The following PLA2R1 variants were observed in gnomAD, a reference collection of about 807,000 sequenced individuals.
PLA2R1 encodes the protein secretory phospholipase A2 receptor.
A neutral mutation model predicts 195.9 loss-of-function variants in PLA2R1; 158 were observed. The observed-to-expected ratio is 0.81, with a 90% CI of 0.71 to 0.92. PLA2R1 has a LOEUF of 0.92. Among genes scored for constraint, PLA2R1 ranks in the 40% least tolerant of loss-of-function variants. PLA2R1 has a pLI of 0.00. For missense variants in PLA2R1, 1,626 were observed against 1,764.6 expected (o/e 0.92, Z 1.41); for synonymous variants, 586 against 598.2 (o/e 0.98, Z 0.30).
Position 159,945,059 on chromosome 2 carries a change from C to T in PLA2R1, c.3991G>A (p.Gly1331Arg), listed in dbSNP as rs1687296765. ...GNNETIKWFDGTPTDQSNWGI... is the reference protein window; with the variant it reads ...GNNETIKWFDRTPTDQSNWGI... ...CAGTTTGACTGGTCTGTGGGAGTTC[C>T]ATCAAACCACTTTATGGTTTCATCT... Residue 1331 changes from glycine to arginine, a missense_variant, in exon 28 of 30, where the codon GGA becomes AGA. By Grantham distance (125) the Gly-to-Arg change is moderately radical. Coordinates refer to ENST00000283243, the MANE Select transcript of PLA2R1 (RefSeq NM_007366.5). The T allele has an allele frequency of 6.2e-7, 1 of 1,612,024 alleles. No individual in the cohort carries two copies. Among genetic ancestry groups the T allele is most frequent in the African/African-American group, 1.3e-5 (1 of 74,860 alleles).
intron 26 of PLA2R1, 129 bp from the exon 27 acceptor site, chr2:159,947,046 A>G (rs994770009): frequency 9.4e-6 from 6 of 638,962 alleles, no homozygotes; most frequent in Admixed American, 7.0e-5. Flanking sequence ...TAAAGAAGAG[A>G]CTTTAAATTA....
intron 11 of PLA2R1, among the ~76,000 whole-genome samples, chr2:160,000,137 G>T (rs990607504): frequency 2.6e-5 from 4 of 152,068 alleles, no homozygotes; most frequent in Admixed American, 2.0e-4. Flanking sequence ...TTAAGGGAAA[G>T]GAGATGAAGC....
chr2:160,057,128 A>G (rs1035969438), intron 1 of PLA2R1, among the ~76,000 whole-genome samples: 1 of 152,176 alleles, frequency 6.6e-6, no homozygotes, highest in Non-Finnish European at 1.5e-5. Flanking sequence ...CCCCTCTCCT[A>G]GGAAATTAAG....
rs1462238703 is a variant in PLA2R1 at position 160,028,218 on chromosome 2, C to T, written c.1099G>A (p.Glu367Lys). 6.4e-7 allele frequency: 1 copy of T among 1,574,754 alleles called. No individual in the cohort carries two copies. Among genetic ancestry groups the T allele is most frequent in the East Asian group, 2.3e-5 (1 of 43,858 alleles). ...YLNHIDHEIV[E>K]KDAWKYYATH... ...AACAACTTAAAATAAAAACGCTTAC[C>T]AACTATTTCATGATCAATGTGGTTT... Residue 367 changes from glutamate to lysine, a missense_variant and splice_region_variant, in exon 6 of 30, where the codon GAA (glutamate) becomes AAA (lysine). By Grantham distance (56) the Glu-to-Lys change is moderately conservative (BLOSUM62 1). Coordinates refer to ENST00000283243, the MANE Select transcript of PLA2R1 (RefSeq NM_007366.5).
intron 17 of PLA2R1, among the ~76,000 whole-genome samples, chr2:159,972,377 A>G (rs1279613396): frequency 1.3e-5 from 2 of 152,226 alleles, no homozygotes; most frequent in East Asian, 3.8e-4. Context: ...AAGTAAGCTC[A>G]GGGCTTAAAA....
At chr2:160,045,308 G>C (rs1274390380) in intron 1 of PLA2R1, 151 bp from the exon 2 acceptor site, 1 of 627,700 alleles carries the variant, frequency 1.6e-6, no homozygotes, top group Non-Finnish European at 2.8e-6. Flanking sequence ...CCACCTGAAG[G>C]GCTGTATTTG....
intron 8 of PLA2R1, among the ~76,000 whole-genome samples, chr2:160,019,696 C>T (rs2715936): frequency 0.72 from 109,389 of 152,070 alleles, 39,797 homozygotes; most frequent in East Asian, 0.87. Flanking sequence ...ACCTCCTCAC[C>T]ACTGGTCTCC....
At chr2:160,017,004 C>T (rs565819032) in intron 8 of PLA2R1, among the ~76,000 whole-genome samples, 3 of 151,964 alleles carry the variant, frequency 2.0e-5, no homozygotes, top group African/African-American at 7.2e-5. Context: ...TAATGCAGGG[C>T]GATTTTCATA....
intron 20 of PLA2R1, among the ~76,000 whole-genome samples, chr2:159,958,233 A>G (rs538824423): frequency 2.6e-5 from 4 of 151,786 alleles, no homozygotes; most frequent in Non-Finnish European, 5.9e-5. Context: ...TGATTGTTTA[A>G]AAGTCTGGAA....
chr2:159,986,537 T>C (rs773377116), intron 12 of PLA2R1, among the ~76,000 whole-genome samples: 4 of 152,004 alleles, frequency 2.6e-5, no homozygotes, highest in Non-Finnish European at 5.9e-5. Flanking sequence ...AACCAGAGCA[T>C]GGTGCCCTCC....
chr2:160,054,882 G>A (rs1695438366), intron 1 of PLA2R1, among the ~76,000 whole-genome samples: 1 of 152,156 alleles, frequency 6.6e-6, no homozygotes, highest in African/African-American at 2.4e-5. Flanking sequence ...GGAGGGAAGG[G>A]TTTATAAATG....
chr2:159,926,202 C>G, the PLA2R1 span, among the ~76,000 whole-genome samples: 1 of 152,154 alleles, frequency 6.6e-6, no homozygotes. Flanking sequence ...GTAGATCTTT[C>G]TCAAGGATAA....
chr2:160,025,522 G>A (rs1338298689), intron 6 of PLA2R1, among the ~76,000 whole-genome samples: 4 of 139,506 alleles, frequency 2.9e-5, no homozygotes, highest in African/African-American at 1.1e-4. Context: ...CTAAAGTTAA[G>A]CAGTTATCAG....
intron 11 of PLA2R1, among the ~76,000 whole-genome samples, chr2:160,002,552 T>C (rs1198943383): frequency 1.3e-5 from 2 of 151,992 alleles, no homozygotes; most frequent in East Asian, 3.8e-4. Flanking sequence ...GCTAAAATCA[T>C]AAACCTACCA....
rs2125906960 is a variant in PLA2R1 at position 159,936,484 on chromosome 2, A to C, written c.*5294T>G. 6.6e-6 allele frequency: 1 copy of C among 152,334 alleles called. No homozygotes were observed. Among genetic ancestry groups the C allele is most frequent in the South Asian group, 2.1e-4 (1 of 4,828 alleles). 9.4% of individuals were successfully genotyped at this position (152,334 alleles called of 1,614,324 possible). A position where few individuals can be genotyped will look rare whatever the true frequency, so the allele number is the denominator to read the frequency against. Reference sequence around the variant, plus strand: ...AATTAGTATTAAAAACTGCTAGTATAAATCAAGGTTCAGCATCAATTCTGT... The same window carrying C: ...AATTAGTATTAAAAACTGCTAGTATCAATCAAGGTTCAGCATCAATTCTGT... On this transcript the variant is annotated 3_prime_UTR_variant, in exon 30 of 30. Coordinates refer to ENST00000283243, the MANE Select transcript of PLA2R1 (RefSeq NM_007366.5).
intron 14 of PLA2R1, among the ~76,000 whole-genome samples, chr2:159,978,959 T>C (rs1689759303): frequency 6.6e-6 from 1 of 152,186 alleles, no homozygotes; most frequent in South Asian, 2.1e-4. Context: ...CTCTCCTATA[T>C]ATTTTAGGCA....
chr2:159,943,345 T>C (rs1285880579), intron 28 of PLA2R1, among the ~76,000 whole-genome samples: 1 of 152,178 alleles, frequency 6.6e-6, no homozygotes, highest in Non-Finnish European at 1.5e-5. Flanking sequence ...TATTATTGTG[T>C]TTTTATGAAG....
At chr2:159,924,727 G>T in the PLA2R1 span, among the ~76,000 whole-genome samples, 1 of 88,166 alleles carries the variant, frequency 1.1e-5, no homozygotes, top group African/African-American at 3.2e-5. Flanking sequence ...TACTCTGGGG[G>T]CTGGGGGGGG....
intron 13 of PLA2R1, among the ~76,000 whole-genome samples, chr2:159,980,727 C>T (rs1409503281): frequency 6.6e-6 from 1 of 152,064 alleles, no homozygotes; most frequent in Admixed American, 6.6e-5. Context: ...ATAAAGCCTA[C>T]CTGTGCAATG....
Sources: gnomAD v4.1 joint callset for allele counts (sites outside exome capture counted in the v4.1 genomes callset) on GRCh38, gnomAD v4.1.1 for gene constraint, MANE v1.5 for transcripts, NCBI Gene and HGNC (gene_info 2026-07-23, HGNC 2026-07-21) for gene names.